Variants in AGAP1 observed in about 807,000 individuals in gnomAD.
The protein encoded by AGAP1 is ArfGAP with GTPase domain, ankyrin repeat and PH domain 1.
Under a neutral mutation model 105.3 loss-of-function variants are expected in AGAP1, and 29 were observed. The ratio of observed to expected loss-of-function variants is 0.28; its 90% CI spans 0.21 to 0.38. The LOEUF is 0.38. AGAP1 is among the 10% of genes least tolerant of loss of function. The probability of loss-of-function intolerance (pLI) is 1.00; values close to 1 mark genes in which losing one functional copy is unlikely to be tolerated. For missense variants in AGAP1, 998 were observed against 1,165.1 expected, an observed-to-expected ratio of 0.86 and a Z score of 2.09; for synonymous variants, 509 against 485.9, an observed-to-expected ratio of 1.05 and a Z score of -0.63.
rs2675144 is a variant in AGAP1 at position 235,732,835 on chromosome 2, C to T, written c.311-8128C>T. ...GTGAGGGAGAGGAGATGCTCTCATC[C>T]TGAGTGTCCTGGACGAGATGGGCCA... On this transcript the variant is annotated intron_variant, in intron 3 of 17. Coordinates refer to ENST00000304032, the MANE Select transcript of AGAP1 (RefSeq NM_001037131.3). This position sits in a 1 kb window ranked among gnomAD's most constrained non-coding sequence, Gnocchi z 4.8. Among the ~76,000 whole-genome samples, 66,397 of 151,986 alleles carry T rather than the reference C, an allele frequency of 0.44. 17,290 individuals carry two copies. Among genetic ancestry groups the T allele is most frequent in the Non-Finnish European group, 0.56 (38,075 of 67,930 alleles).
chr2:235,544,562 C>T (rs1461400228), intron 1 of AGAP1, among the ~76,000 whole-genome samples: 5 of 152,318 alleles, frequency 3.3e-5, no homozygotes, highest in Non-Finnish European at 5.9e-5. Flanking sequence ...CCACGGAGCC[C>T]CTTCCTCTAT....
intron 1 of AGAP1, among the ~76,000 whole-genome samples, chr2:235,616,982 G>C (rs1466962057): frequency 6.6e-6 from 1 of 151,430 alleles, no homozygotes; most frequent in Non-Finnish European, 1.5e-5. Flanking sequence ...TTTAAGCTTG[G>C]AAAGAGTTGA....
At chr2:235,947,706 A>G (rs141055255) in intron 12 of AGAP1, among the ~76,000 whole-genome samples, 1 of 152,294 alleles carries the variant, frequency 6.6e-6, no homozygotes, top group African/African-American at 2.4e-5. Context: ...AGCCTAGAAC[A>G]GTGTCTCCAT....
rs1342643710 is a variant in AGAP1, at chr2:236,027,462, C to T, written c.1646-9099C>T. ...AAAAGAAGACACAGGGTAGTCCTCCCGCCGGTGCCCACCTCTGCGCTGAGC... is the reference window on the plus strand; with the variant it reads ...AAAAGAAGACACAGGGTAGTCCTCCTGCCGGTGCCCACCTCTGCGCTGAGC... On this transcript the variant is annotated intron_variant, in intron 13 of 17. Transcript: ENST00000304032. This position sits in a 1 kb window ranked among gnomAD's most constrained non-coding sequence, Gnocchi z 4.4. 2.0e-5 allele frequency among the ~76,000 whole-genome samples: 3 copies of T among 152,256 alleles called. No individual in the cohort carries two copies. The highest frequency in any genetic ancestry group is 2.9e-5 in the Non-Finnish European group (2 of 68,018).
rs1468079486 is a variant in AGAP1 at position 235,887,603 on chromosome 2, AGCAGGG to A, written c.1155+4157_1155+4162del. Among the ~76,000 whole-genome samples the A allele has an allele frequency of 6.6e-6, 1 of 152,184 alleles. No homozygotes were observed. Among genetic ancestry groups the A allele is most frequent in the Admixed American group, 6.5e-5 (1 of 15,278 alleles). The stretch of plus-strand genomic sequence containing the variant: ...CAGGTTCCAACACAAGAGCCCCCGG[AGCAGGG>A]GCCTGCATTGATCTCATATAGCATA... On this transcript the variant is annotated intron_variant, in intron 10 of 17. Coordinates refer to ENST00000304032, the MANE Select transcript of AGAP1 (RefSeq NM_001037131.3). The surrounding 1 kb of genome is among the most constrained non-coding windows in gnomAD (Gnocchi z 4.1).
rs1353478148 is a variant in AGAP1 at position 236,056,182 on chromosome 2, A to G, written c.2114+6901A>G. On this transcript the variant is annotated intron_variant, in intron 16 of 17. Transcript: ENST00000304032. This position sits in a 1 kb window ranked among gnomAD's most constrained non-coding sequence, Gnocchi z 4.6. ...AAGTATAATGGGATCTGCTTTTTCAAGGATAACTATACTTGCATTTGCCTT... is the reference window on the plus strand; with the variant it reads ...AAGTATAATGGGATCTGCTTTTTCAGGGATAACTATACTTGCATTTGCCTT... 6.6e-6 allele frequency among the ~76,000 whole-genome samples: 1 copy of G among 152,162 alleles called. No homozygotes were observed. The highest frequency in any genetic ancestry group is 1.5e-5 in the Non-Finnish European group (1 of 68,020).
rs1329152091 is a variant in AGAP1, at chr2:236,038,792, CAGAG to C, written c.1801-1955_1801-1952del. On this transcript the variant is annotated intron_variant, in intron 14 of 17. Coordinates refer to ENST00000304032, the MANE Select transcript of AGAP1 (RefSeq NM_001037131.3). The surrounding 1 kb of genome is among the most constrained non-coding windows in gnomAD (Gnocchi z 4.5). Reference sequence around the variant, plus strand: ...CAACCACAGAAATGATACAGGTACACAGAGAGACAGAGGCACATCCCTTTGTATG... The same window carrying C: ...CAACCACAGAAATGATACAGGTACACAGACAGAGGCACATCCCTTTGTATG... Among the ~76,000 whole-genome samples, 4 of 148,230 alleles carry C rather than the reference CAGAG, an allele frequency of 2.7e-5. No individual in the cohort carries two copies. The highest frequency in any genetic ancestry group is 4.4e-5 in the Non-Finnish European group (3 of 67,630).
intron 1 of AGAP1, among the ~76,000 whole-genome samples, chr2:235,508,398 A>C (rs1360237621): frequency 3.9e-5 from 6 of 152,212 alleles, no homozygotes; most frequent in African/African-American, 1.4e-4. Context: ...TACTTGGGGA[A>C]TTCTCTCCGC....
chr2:236,068,101 A>G (rs1374428111), intron 16 of AGAP1, among the ~76,000 whole-genome samples: 3 of 152,124 alleles, frequency 2.0e-5, no homozygotes, highest in South Asian at 2.1e-4. Context: ...GTGAAACCCC[A>G]TCTCTGCTAA....
intron 9 of AGAP1, among the ~76,000 whole-genome samples, chr2:235,809,029 C>T (rs1957988424): frequency 6.6e-6 from 1 of 151,984 alleles, no homozygotes. Flanking sequence ...TAAACTGGTA[C>T]CAGGACATTT....
intron 1 of AGAP1, among the ~76,000 whole-genome samples, chr2:235,618,549 A>G (rs779881421): frequency 6.6e-6 from 1 of 152,162 alleles, no homozygotes; most frequent in Non-Finnish European, 1.5e-5. Flanking sequence ...TAAAGCTTCA[A>G]GTTAAGGATT....
At position 235,959,416 on chromosome 2, in the gene AGAP1, T is replaced by TA. The variant is rs2054087588; in HGVS notation, c.1484-9043dup. Among the ~76,000 whole-genome samples, 1 of 152,092 alleles carries TA rather than the reference T, an allele frequency of 6.6e-6. No individual in the cohort carries two copies. Among genetic ancestry groups the TA allele is most frequent in the Admixed American group, 6.5e-5 (1 of 15,278 alleles). ...CTCATATTTTAAACCAGGGGAATGT[T>TA]AAACAACTCCTTGAAAGCGAGCTCT... On this transcript the variant is annotated intron_variant, in intron 12 of 17. Transcript: ENST00000304032. This position sits in a 1 kb window ranked among gnomAD's most constrained non-coding sequence, Gnocchi z 7.3.
chr2:235,974,555 C>A (rs550342302), intron 13 of AGAP1, among the ~76,000 whole-genome samples: 3 of 152,284 alleles, frequency 2.0e-5, no homozygotes, highest in Non-Finnish European at 4.4e-5. Context: ...TTTGGTTGTT[C>A]ATTCTGGTCT....
intron 9 of AGAP1, among the ~76,000 whole-genome samples, chr2:235,858,922 T>G (rs2048797390): frequency 6.6e-6 from 1 of 152,220 alleles, no homozygotes; most frequent in African/African-American, 2.4e-5. Flanking sequence ...AGTTTTCATC[T>G]AAAATTCTGG....
rs149170625 is a variant in AGAP1 at position 236,007,825 on chromosome 2, C to T, written c.1646-28736C>T. On this transcript the variant is annotated intron_variant, in intron 13 of 17. Coordinates refer to ENST00000304032, the MANE Select transcript of AGAP1 (RefSeq NM_001037131.3). Reference sequence around the variant, plus strand: ...CATCACCAGCCCCCAGCCTGCTATCCGCTTCACAGAGCAGCGAGCCAGTCC... The same window carrying T: ...CATCACCAGCCCCCAGCCTGCTATCTGCTTCACAGAGCAGCGAGCCAGTCC... Among the ~76,000 whole-genome samples the T allele has an allele frequency of 3.4e-3, 514 of 152,320 alleles. 1 individual carries two copies. The highest frequency in any genetic ancestry group is 5.6e-3 in the Non-Finnish European group (382 of 68,026).
At position 236,127,077 on chromosome 2, in the gene AGAP1, G is replaced by A. The variant is rs1056426284; in HGVS notation, c.*2955G>A. On this transcript the variant is annotated 3_prime_UTR_variant, in exon 18 of 18. Transcript: ENST00000304032. The surrounding 1 kb of genome is among the most constrained non-coding windows in gnomAD (Gnocchi z 6.6). ...CTCCCTTGATGAGAAACAGCCAGCTGAGGGAGGCCCACGAGCGGCCTGTGT... is the reference window on the plus strand; with the variant it reads ...CTCCCTTGATGAGAAACAGCCAGCTAAGGGAGGCCCACGAGCGGCCTGTGT... 1.3e-5 allele frequency: 2 copies of A among 152,252 alleles called. No individual in the cohort carries two copies. The highest frequency in any genetic ancestry group is 4.8e-5 in the African/African-American group (2 of 41,466). 9.4% of individuals were successfully genotyped at this position (152,252 alleles called of 1,614,324 possible). A position where few individuals can be genotyped will look rare whatever the true frequency, so the allele number is the denominator to read the frequency against.
At position 235,593,412 on chromosome 2, in the gene AGAP1, T is replaced by G. The variant is rs558623420; in HGVS notation, c.163+98563T>G. Among the ~76,000 whole-genome samples the G allele has an allele frequency of 1.7e-4, 25 of 149,148 alleles. 1 individual carries two copies. In the South Asian group the frequency reaches 5.3e-3, roughly 32 times the overall value. Reference sequence around the variant, plus strand: ...TTACAGTGATATTAGTATGTTTTTTTGGGTGGGGAGGACAGAATCTAATTT... The same window carrying G: ...TTACAGTGATATTAGTATGTTTTTTGGGGTGGGGAGGACAGAATCTAATTT... On this transcript the variant is annotated intron_variant, in intron 1 of 17. Coordinates refer to ENST00000304032, the MANE Select transcript of AGAP1 (RefSeq NM_001037131.3).
intron 16 of AGAP1, among the ~76,000 whole-genome samples, chr2:236,100,567 G>GC (rs1394833867): frequency 4.6e-5 from 7 of 152,110 alleles, no homozygotes; most frequent in Non-Finnish European, 8.8e-5. Flanking sequence ...GCTCACACCT[G>GC]CAATCCCAGC....
chr2:235,566,083 C>A lies in AGAP1; in HGVS notation c.163+71234C>A, dbSNP rs1198181747. On this transcript the variant is annotated intron_variant, in intron 1 of 17. Coordinates refer to ENST00000304032, the MANE Select transcript of AGAP1 (RefSeq NM_001037131.3). This position sits in a 1 kb window ranked among gnomAD's most constrained non-coding sequence, Gnocchi z 5.2. ...TGTGTCATCTTTCATTTGTCCATTC[C>A]TCGATTTATTATTATTATTATTATT... 6.6e-6 allele frequency among the ~76,000 whole-genome samples: 1 copy of A among 151,804 alleles called. No homozygotes were observed. The highest frequency in any genetic ancestry group is 1.9e-4 in the East Asian group (1 of 5,162).
Sources: gnomAD v4.1 joint callset for allele counts (sites outside exome capture counted in the v4.1 genomes callset) on GRCh38, gnomAD v4.1.1 for gene constraint, Gnocchi (gnomAD v3.1) non-coding constraint, MANE v1.5 for transcripts, NCBI Gene and HGNC (gene_info 2026-07-23, HGNC 2026-07-21) for gene names.